Variants in ATP9A observed in about 807,000 individuals in gnomAD.
The protein encoded by ATP9A is probable phospholipid-transporting ATPase IIA.
In ATP9A, 52 loss-of-function variants were observed where a neutral mutation model predicts 144.1. That is an observed-to-expected ratio of 0.36 (90% CI 0.29 to 0.45). ATP9A has a LOEUF of 0.45. ATP9A is among the 20% of genes least tolerant of loss of function. ATP9A has a pLI of 1.00. For missense variants in ATP9A, 947 were observed against 1,392.7 expected, an observed-to-expected ratio of 0.68 and a Z score of 5.09; for synonymous variants, 582 against 557.4, an observed-to-expected ratio of 1.04 and a Z score of -0.62.
intron 1 of ATP9A, among the ~76,000 whole-genome samples, chr20:51,746,987 CAGAGCG>C (rs2077811312): frequency 6.6e-6 from 1 of 151,340 alleles, no homozygotes; most frequent in Non-Finnish European, 1.5e-5. Flanking sequence ...GCCTGGGCAA[CAGAGCG>C]AGACTCCGTC....
intron 1 of ATP9A, among the ~76,000 whole-genome samples, chr20:51,736,623 G>A (rs2077763960): frequency 6.6e-6 from 1 of 151,778 alleles, no homozygotes; most frequent in Admixed American, 6.6e-5. Context: ...CCTGAGAGCT[G>A]GGATTACAGG....
At chr20:51,738,006 T>C (rs913920472) in intron 1 of ATP9A, among the ~76,000 whole-genome samples, 2 of 151,722 alleles carry the variant, frequency 1.3e-5, no homozygotes, top group African/African-American at 4.8e-5. Flanking sequence ...TTGGGCAACA[T>C]AGCAAGACTC....
chr20:51,685,271 T>C (rs929320093), intron 9 of ATP9A, among the ~76,000 whole-genome samples: 1 of 151,906 alleles, frequency 6.6e-6, no homozygotes. Context: ...CCAACAGCCA[T>C]CCTGTTTTTA....
intron 15 of ATP9A, among the ~76,000 whole-genome samples, chr20:51,629,838 C>T (rs2077263485): frequency 6.6e-6 from 1 of 152,196 alleles, no homozygotes; most frequent in Non-Finnish European, 1.5e-5. Flanking sequence ...CTTCCCTAAA[C>T]CTCAGTTTTC....
At chr20:51,676,799 TGA>T (rs1331449770) in intron 9 of ATP9A, among the ~76,000 whole-genome samples, 6 of 148,430 alleles carry the variant, frequency 4.0e-5, no homozygotes, top group African/African-American at 1.2e-4. Context: ...TATTTTTAGT[TGA>T]GATGGGGTTT....
chr20:51,730,232 G>A (rs1192530267), intron 1 of ATP9A, among the ~76,000 whole-genome samples: 1 of 152,196 alleles, frequency 6.6e-6, no homozygotes, highest in Non-Finnish European at 1.5e-5. Flanking sequence ...ACTTTGGGAG[G>A]CCGAGGTGGG....
chr20:51,603,980 C>T (rs996907642), intron 27 of ATP9A, among the ~76,000 whole-genome samples: 2 of 152,034 alleles, frequency 1.3e-5, no homozygotes, highest in East Asian at 1.9e-4. Flanking sequence ...GGGGTTTCAC[C>T]ATGTTGACCA....
intron 19 of ATP9A, among the ~76,000 whole-genome samples, chr20:51,619,575 A>C: frequency 8.6e-6 from 1 of 116,622 alleles, no homozygotes; most frequent in East Asian, 3.1e-4. Context: ...AAAAAAAAAA[A>C]AGGGGGGGGG....
intron 9 of ATP9A, among the ~76,000 whole-genome samples, chr20:51,682,575 ATCT>A (rs2077504476): frequency 3.0e-5 from 1 of 32,816 alleles, no homozygotes; most frequent in South Asian, 7.9e-4. Context: ...TTTTCACTGT[ATCT>A]TTTTTTTTTT....
At chr20:51,602,943 T>C (rs2122702509) in intron 27 of ATP9A, among the ~76,000 whole-genome samples, 1 of 152,302 alleles carries the variant, frequency 6.6e-6, no homozygotes, top group East Asian at 1.9e-4. Flanking sequence ...CCACTGTTTG[T>C]TCCCCAGGCG....
chr20:51,724,735 G>C (rs992024314), intron 3 of ATP9A, among the ~76,000 whole-genome samples: 4 of 152,158 alleles, frequency 2.6e-5, no homozygotes, highest in Non-Finnish European at 5.9e-5. Context: ...ACCACCATCT[G>C]CCAAATCAAT....
chr20:51,622,112 G>C lies in ATP9A; in HGVS notation c.2077C>G (p.Leu693Val), dbSNP rs2077229452. 4 of 1,614,032 alleles carry C rather than the reference G, an allele frequency of 2.5e-6. No individual in the cohort carries two copies. The highest frequency in any genetic ancestry group is 1.3e-5 in the African/African-American group (1 of 74,918). The change falls in exon 19 of 28, where the codon CTG becomes GTG. Residue 693 changes from leucine (L) to valine (V), a missense_variant. Transcript: ENST00000338821. ...TATCTAKNAH[L>V]VTRNQDIHVF... ...TGGATGTCTTGGTTTCTGGTCACCA[G>C]ATGTGCATTCTTCGCTGTGCACGTA...
intron 9 of ATP9A, among the ~76,000 whole-genome samples, chr20:51,683,784 A>AG (rs1173591072): frequency 1.3e-5 from 2 of 152,206 alleles, no homozygotes; most frequent in African/African-American, 4.8e-5. Flanking sequence ...ACTGGGCCTA[A>AG]GAGTCTGGAG....
intron 3 of ATP9A, among the ~76,000 whole-genome samples, chr20:51,720,023 T>G (rs1404589148): frequency 6.6e-6 from 1 of 152,216 alleles, no homozygotes; most frequent in East Asian, 1.9e-4. Context: ...CACTCCAGCC[T>G]GGGTGACAGT....
intron 1 of ATP9A, among the ~76,000 whole-genome samples, chr20:51,731,944 C>T (rs1013362127): frequency 1.3e-5 from 2 of 152,046 alleles, no homozygotes; most frequent in African/African-American, 4.8e-5. Context: ...TTCAGCAACA[C>T]ATTAGAGGAG....
intron 23 of ATP9A, 129 bp downstream of exon 23, chr20:51,613,547 TA>T: frequency 9.2e-7 from 1 of 1,089,706 alleles, no homozygotes; most frequent in Non-Finnish European, 1.3e-6. Context: ...CTCCAAAGCA[TA>T]ATCTAATTCC....
intron 3 of ATP9A, among the ~76,000 whole-genome samples, chr20:51,713,690 A>G (rs1164366816): frequency 2.0e-5 from 3 of 152,252 alleles, no homozygotes; most frequent in African/African-American, 2.4e-5. Context: ...GTTAAACAGA[A>G]TAAGATACAT....
intron 1 of ATP9A, among the ~76,000 whole-genome samples, chr20:51,743,480 A>G (rs1321826681): frequency 7.3e-6 from 1 of 136,780 alleles, no homozygotes; most frequent in Non-Finnish European, 1.5e-5. Flanking sequence ...GCTCACTGCA[A>G]CCTCTGCCTC....
chr20:51,614,236 A>T (rs1284923597), intron 22 of ATP9A, among the ~76,000 whole-genome samples: 1 of 152,206 alleles, frequency 6.6e-6, no homozygotes, highest in African/African-American at 2.4e-5. Flanking sequence ...AGCTCTGCAC[A>T]CTCACAGAAG....
Sources: gnomAD v4.1 joint callset for allele counts (sites outside exome capture counted in the v4.1 genomes callset) on GRCh38, gnomAD v4.1.1 for gene constraint, MANE v1.5 for transcripts, NCBI Gene and HGNC (gene_info 2026-07-23, HGNC 2026-07-21) for gene names.